The following USP24 variants were observed in gnomAD, a reference collection of about 807,000 sequenced individuals.
The protein encoded by USP24 is ubiquitin carboxyl-terminal hydrolase 24.
In USP24, 97 loss-of-function variants were observed where a neutral mutation model predicts 361.6. The ratio of observed to expected loss-of-function variants is 0.27; its 90% CI spans 0.23 to 0.32. The LOEUF (loss-of-function observed/expected upper bound fraction) is 0.32, where lower values mean the gene tolerates loss of function less well. Ranked by LOEUF, USP24 falls within the 10% of genes least tolerant of loss-of-function variation. USP24 has a pLI of 1.00. For synonymous variants in USP24, 1,098 were observed against 1,124.6 expected, an observed-to-expected ratio of 0.98 and a Z score of 0.47; for missense variants, 2,353 against 3,165.6, an observed-to-expected ratio of 0.74 and a Z score of 6.16.
chr1:55,146,813 C>T lies in USP24; in HGVS notation c.2250+116G>A, dbSNP rs540462008. The T allele has an allele frequency of 3.1e-5, 38 of 1,233,478 alleles. No homozygotes were observed. In the African/African-American group the frequency reaches 3.6e-4, roughly 12 times the overall value. The allele number at this position is 1,233,478 out of a possible 1,614,324, so 76.4% of individuals were successfully genotyped here. On this transcript the variant is annotated intron_variant, in intron 19 of 67. Transcript: ENST00000294383. The stretch of plus-strand genomic sequence containing the variant: ...TTTTTTCAGCACTTACAGTTCTTGG[C>T]CCATACTATTTATGCTTATATAAAC...
At chr1:55,094,942 G>A (rs775526721) in intron 51 of USP24, among the ~76,000 whole-genome samples, 8 of 152,254 alleles carry the variant, frequency 5.3e-5, no homozygotes, top group South Asian at 2.1e-4. Context: ...GGTCGAGGCT[G>A]CAGTGAGCTA....
In USP24 at chr1:55,068,598, C is replaced by T. The variant is rs77011887; in HGVS notation, c.*447G>A. Reference sequence around the variant, plus strand: ...TTACATCATTTTAAATTGGATATTCCTGTTTAATATTACTGCAAGATTAAA... The same window carrying T: ...TTACATCATTTTAAATTGGATATTCTTGTTTAATATTACTGCAAGATTAAA... On this transcript the variant is annotated 3_prime_UTR_variant, in exon 68 of 68. Coordinates refer to ENST00000294383, the MANE Select transcript of USP24 (RefSeq NM_015306.3). The T allele has an allele frequency of 0.012, 1,947 of 159,120 alleles. 9 individuals are homozygous for T. Among genetic ancestry groups the T allele is most frequent in the Non-Finnish European group, 0.019 (1,367 of 72,890 alleles). The allele number at this position is 159,120 out of a possible 1,614,324, so 9.9% of individuals were successfully genotyped here.
Position 55,157,257 on chromosome 1 carries a change from T to C in USP24, c.1341A>G (p.Glu447=), listed in dbSNP as rs970804775. Residue 447 remains glutamate, a splice_region_variant and synonymous_variant, in exon 11 of 68, where the codon GAA becomes GAG. Transcript: ENST00000294383. The part of the protein sequence containing the change: ...VENSVLSIAL[E]GNIDQAQYCD... Reference sequence around the variant, plus strand: ...TTTTTATTTTTGAAAGCAACTTACCTTCCAGTGCAATCGACAGAACTGAGT... The same window carrying C: ...TTTTTATTTTTGAAAGCAACTTACCCTCCAGTGCAATCGACAGAACTGAGT... The C allele has an allele frequency of 3.1e-6, 5 of 1,590,392 alleles. No homozygotes were observed. In the African/African-American group the frequency reaches 6.8e-5, roughly 22 times the overall value.
chr1:55,068,086 A>G lies in USP24; in HGVS notation c.*959T>C, dbSNP rs1194140224. On this transcript the variant is annotated 3_prime_UTR_variant, in exon 68 of 68. Transcript: ENST00000294383. ...CAAATAGTTAACTTCATATACAACC[A>G]ATACCAAGGGTTTCAGTAATTATGT... 2.0e-5 allele frequency: 3 copies of G among 152,352 alleles called. No individual in the cohort carries two copies. The East Asian group carries it at 5.8e-4, about 29-fold the overall frequency. The allele number at this position is 152,352 out of a possible 1,614,324, so 9.4% of individuals were successfully genotyped here.
chr1:55,073,444 T>G (rs1156339644), intron 64 of USP24, among the ~76,000 whole-genome samples: 1 of 152,044 alleles, frequency 6.6e-6, no homozygotes, highest in African/African-American at 2.4e-5. Context: ...GAGCTACAGG[T>G]GACATGATTT....
intron 32 of USP24, among the ~76,000 whole-genome samples, chr1:55,126,352 C>A (rs1011331895): frequency 1.3e-5 from 2 of 152,178 alleles, no homozygotes; most frequent in African/African-American, 4.8e-5. Context: ...GTCACCCCAG[C>A]GAAGCTTTTC....
chr1:55,194,374 T>C (rs1569731697), intron 1 of USP24, among the ~76,000 whole-genome samples: 1 of 152,200 alleles, frequency 6.6e-6, no homozygotes, highest in East Asian at 1.9e-4. Flanking sequence ...GGTGCCCGAT[T>C]TGCAGGATTC....
chr1:55,197,302 C>T (rs1644446180), intron 1 of USP24, among the ~76,000 whole-genome samples: 1 of 152,196 alleles, frequency 6.6e-6, no homozygotes, highest in African/African-American at 2.4e-5. Flanking sequence ...CAGTACTTAT[C>T]ATCATCTGAC....
chr1:55,067,389 C>T lies in USP24; in HGVS notation c.*1656G>A, dbSNP rs755157625. Reference sequence around the variant, plus strand: ...TTGGAACCGTCTGAAGTTTGCCACTCGCCTCTGTCCGTTTCTCTAAGGGTA... The same window carrying T: ...TTGGAACCGTCTGAAGTTTGCCACTTGCCTCTGTCCGTTTCTCTAAGGGTA... On this transcript the variant is annotated 3_prime_UTR_variant, in exon 68 of 68. Transcript: ENST00000294383. 1 of 152,212 alleles carries T rather than the reference C, an allele frequency of 6.6e-6. No individual in the cohort carries two copies. Among genetic ancestry groups the T allele is most frequent in the Admixed American group, 6.5e-5 (1 of 15,286 alleles). 9.4% of individuals were successfully genotyped at this position (152,212 alleles called of 1,614,324 possible).
rs546692901 is a variant in USP24 at position 55,151,542 on chromosome 1, T to A, written c.1860+2328A>T. On this transcript the variant is annotated intron_variant, in intron 16 of 67. Transcript: ENST00000294383. ...GGCGCTATGGTAGGTGGCCTGAAGATAAACAACTTAAGGAATATGCAGTAC... is the reference window on the plus strand; with the variant it reads ...GGCGCTATGGTAGGTGGCCTGAAGAAAAACAACTTAAGGAATATGCAGTAC... 2.6e-5 allele frequency among the ~76,000 whole-genome samples: 4 copies of A among 152,264 alleles called. No individual in the cohort carries two copies. In the South Asian group the frequency reaches 6.2e-4, roughly 24 times the overall value.
intron 5 of USP24, 133 bp from the exon 6 acceptor site, chr1:55,166,736 T>C (rs534635557): frequency 2.5e-5 from 21 of 835,720 alleles, no homozygotes; most frequent in East Asian, 8.3e-5. Flanking sequence ...AAAGTTTTTT[T>C]CCCAAACGCT....
intron 1 of USP24, among the ~76,000 whole-genome samples, chr1:55,182,578 A>AG (rs1047701135): frequency 2.2e-4 from 33 of 152,178 alleles, no homozygotes; most frequent in African/African-American, 7.7e-4. Context: ...ATTAAATCTA[A>AG]GGGGGAGCAA....
chr1:55,158,487 C>T (rs1307992287), intron 10 of USP24, among the ~76,000 whole-genome samples: 2 of 152,192 alleles, frequency 1.3e-5, no homozygotes, highest in African/African-American at 2.4e-5. Flanking sequence ...CATCATTTTG[C>T]TTTGACCAAC....
intron 59 of USP24, among the ~76,000 whole-genome samples, chr1:55,080,092 T>A (rs1645119143): frequency 6.6e-6 from 1 of 152,232 alleles, no homozygotes; most frequent in Admixed American, 6.5e-5. Flanking sequence ...GAGAAGACAC[T>A]TCTGTTCCTC....
At chr1:55,188,240 A>C (rs1265501260) in intron 1 of USP24, among the ~76,000 whole-genome samples, 1 of 152,164 alleles carries the variant, frequency 6.6e-6, no homozygotes, top group Non-Finnish European at 1.5e-5. Flanking sequence ...AAATGACCCC[A>C]CCTCAAGCCA....
chr1:55,164,256 T>C (rs1423686348), intron 7 of USP24, among the ~76,000 whole-genome samples: 2 of 151,932 alleles, frequency 1.3e-5, no homozygotes, highest in South Asian at 2.1e-4. Flanking sequence ...AGAACATGCA[T>C]AGATTTATAT....
At chr1:55,129,705 T>C in intron 31 of USP24, 131 bp from the exon 32 acceptor site, 1 of 614,624 alleles carries the variant, frequency 1.6e-6, no homozygotes, top group Non-Finnish European at 2.8e-6. Context: ...CCCCCAGAAA[T>C]ATGTAGAAGC....
rs568638512 is a variant in USP24, at chr1:55,154,666, C to T, written c.1554+5G>A. ...AAAAGTAAGCAAGTCTGACTGAACACGTACCTTCTGAATGAGAACAAACAA... is the reference window on the plus strand; with the variant it reads ...AAAAGTAAGCAAGTCTGACTGAACATGTACCTTCTGAATGAGAACAAACAA... On this transcript the variant is annotated splice_donor_5th_base_variant and intron_variant, in intron 13 of 67. Coordinates refer to ENST00000294383, the MANE Select transcript of USP24 (RefSeq NM_015306.3). 7.4e-6 allele frequency: 12 copies of T among 1,611,802 alleles called. No individual in the cohort carries two copies. Among genetic ancestry groups the T allele is most frequent in the African/African-American group, 4.0e-5 (3 of 74,928 alleles).
intron 59 of USP24, among the ~76,000 whole-genome samples, chr1:55,079,874 C>A (rs1645112855): frequency 6.6e-6 from 1 of 151,810 alleles, no homozygotes; most frequent in Non-Finnish European, 1.5e-5. Flanking sequence ...ACTGAGCACT[C>A]ACACACAGTA....
Sources: allele counts gnomAD v4.1 joint callset (sites outside exome capture counted in the v4.1 genomes callset), GRCh38; gene constraint gnomAD v4.1.1; transcripts MANE v1.5; gene names NCBI Gene and HGNC (gene_info 2026-07-23, HGNC 2026-07-21).